The following ORC3 variants were observed in gnomAD, a reference collection of about 807,000 sequenced individuals.
The protein encoded by ORC3 is homolog of latheo, Drosophila.
A neutral mutation model predicts 100.7 loss-of-function variants in ORC3; 78 were observed. That is an observed-to-expected ratio of 0.77 (90% CI 0.65 to 0.94). The LOEUF (loss-of-function observed/expected upper bound fraction) is 0.94. Among genes scored for constraint, ORC3 ranks in the 40% least tolerant of loss-of-function variants. The pLI, the probability that ORC3 is intolerant of heterozygous loss-of-function variation, is 0.00. For missense variants in ORC3, 789 were observed against 823.9 expected, an observed-to-expected ratio of 0.96 and a Z score of 0.52; for synonymous variants, 295 against 289.3, an observed-to-expected ratio of 1.02 and a Z score of -0.20.
chr6:87,606,004 A>C lies in ORC3; in HGVS notation c.410A>C (p.Gln137Pro). Reference sequence around the variant, plus strand: ...GTCACACCATATGTAGTCTCATTGCAAGCTAAAGATTGTCCAGGTAAAAAT... The same window carrying C: ...GTCACACCATATGTAGTCTCATTGCCAGCTAAAGATTGTCCAGGTAAAAAT... ...NNVTPYVVSL[Q>P]AKDCPDMKHF... is the part of the protein sequence containing the mutation. The change falls in exon 5 of 20, where the codon CAA becomes CCA. Residue 137 changes from glutamine to proline, a missense_variant. By Grantham distance (76) the Gln-to-Pro change is moderately conservative. Coordinates refer to ENST00000392844, the MANE Select transcript of ORC3 (RefSeq NM_012381.4). 6.4e-7 allele frequency: 1 copy of C among 1,568,692 alleles called. No individual in the cohort carries two copies. Among genetic ancestry groups the C allele is most frequent in the African/African-American group, 1.5e-5 (1 of 67,024 alleles).
intron 1 of ORC3, 143 bp from the exon 2 acceptor site, chr6:87,594,210 G>A (rs1376056140): frequency 1.8e-6 from 1 of 561,092 alleles, no homozygotes; most frequent in Non-Finnish European, 3.2e-6. Flanking sequence ...GAAGTGATGT[G>A]ATTTCTTAGA....
chr6:87,667,018 T>C lies in ORC3; in HGVS notation c.2031T>C (p.His677=). Residue 677 remains histidine, a splice_region_variant and synonymous_variant, in exon 20 of 20, where the codon CAT becomes CAC. Coordinates refer to ENST00000392844, the MANE Select transcript of ORC3 (RefSeq NM_012381.4). ...ATSEEMNEII[H]ARFIRAVSEL... is the part of the protein sequence containing the mutation. ...CAGTTTCCTTAATTAAAGCCTCCAG[T>C]GCTCGGTTTATTAGAGCTGTTTCTG... 1.9e-6 allele frequency: 3 copies of C among 1,597,788 alleles called. No homozygotes were observed. Among genetic ancestry groups the C allele is most frequent in the Non-Finnish European group, 1.7e-6 (2 of 1,171,488 alleles).
chr6:87,647,909 A>G (rs13193470), intron 13 of ORC3, among the ~76,000 whole-genome samples: 4,817 of 152,336 alleles, frequency 0.032, 100 homozygotes, highest in Middle Eastern at 0.054. Flanking sequence ...TGGTTTATCC[A>G]AAGTGCTTTG....
intron 3 of ORC3, among the ~76,000 whole-genome samples, chr6:87,602,972 C>CTATATATATATATATAT (rs1778068549): frequency 1.6e-5 from 1 of 62,872 alleles, no homozygotes; most frequent in Admixed American, 2.5e-4. Context: ...TATATATATA[C>CTATATATATATATATAT]ATATATATAT....
downstream of ORC3, among the ~76,000 whole-genome samples, chr6:87,670,608 A>G (rs1055073480): frequency 2.0e-5 from 3 of 152,218 alleles, no homozygotes; most frequent in African/African-American, 7.2e-5. Context: ...CCATTCTGTA[A>G]TTCAGGAAAC....
chr6:87,600,836 A>G (rs1363354206), intron 2 of ORC3, among the ~76,000 whole-genome samples: 1 of 152,186 alleles, frequency 6.6e-6, no homozygotes, highest in Non-Finnish European at 1.5e-5. Flanking sequence ...TTGCTATTAC[A>G]TAATAAGGGT....
At position 87,606,867 on chromosome 6, in the gene ORC3, T is replaced by G. The variant is rs535375103; in HGVS notation, c.428-806T>G. On this transcript the variant is annotated intron_variant, in intron 5 of 19. Coordinates refer to ENST00000392844, the MANE Select transcript of ORC3 (RefSeq NM_012381.4). ...CATGCCTGGCCCTAATGTGGTAAAA[T>G]TTGTTTGGATTAGATTGATAAAAGA... is the stretch of plus-strand genomic sequence containing the variant. Among the ~76,000 whole-genome samples, 3 of 152,210 alleles carry G rather than the reference T, an allele frequency of 2.0e-5. No homozygotes were observed. The East Asian group carries it at 5.8e-4, about 29-fold the overall frequency.
chr6:87,618,049 T>C (rs1174955487), intron 9 of ORC3, among the ~76,000 whole-genome samples: 1 of 152,234 alleles, frequency 6.6e-6, no homozygotes, highest in African/African-American at 2.4e-5. Flanking sequence ...ATTCATTTAC[T>C]CATAAATACT....
intron 14 of ORC3, among the ~76,000 whole-genome samples, chr6:87,654,405 C>A (rs1385387722): frequency 6.6e-6 from 1 of 152,184 alleles, no homozygotes; most frequent in Non-Finnish European, 1.5e-5. Flanking sequence ...CTTGCCACTG[C>A]AGCATGAACT....
chr6:87,615,475 T>G (rs1285624659), intron 8 of ORC3, among the ~76,000 whole-genome samples: 1 of 152,276 alleles, frequency 6.6e-6, no homozygotes, highest in Non-Finnish European at 1.5e-5. Context: ...TTTTTCTTTT[T>G]TTCCATAAAG....
Position 87,602,954 on chromosome 6 carries a change from A to ATTTATATATATAT in ORC3, c.178-430_178-429insTTTATATATATAT, listed in dbSNP as rs1554236515. ...CGTTTATATATATATACACATATAT[A>ATTTATATATATAT]ATATATATATATATATACATATATA... On this transcript the variant is annotated intron_variant, in intron 3 of 19. Transcript: ENST00000392844. 3.1e-4 allele frequency among the ~76,000 whole-genome samples: 30 copies of ATTTATATATATAT among 95,250 alleles called. 1 individual carries two copies. The highest frequency in any genetic ancestry group is 4.7e-4 in the Non-Finnish European group (23 of 48,670). 62.5% of individuals were successfully genotyped at this position (95,250 alleles called of 152,430 possible).
In ORC3 at chr6:87,656,896, T is replaced by C. The variant is rs1392462856; in HGVS notation, c.1517-10T>C. ...CTCATTGATGTCTACTGGTTTTGTATTAAAAGCAGAAACCAAAGAGGAAGA... is the reference window on the plus strand; with the variant it reads ...CTCATTGATGTCTACTGGTTTTGTACTAAAAGCAGAAACCAAAGAGGAAGA... On this transcript the variant is annotated splice_polypyrimidine_tract_variant and intron_variant, in intron 14 of 19. Coordinates refer to ENST00000392844, the MANE Select transcript of ORC3 (RefSeq NM_012381.4). 6.2e-7 allele frequency: 1 copy of C among 1,604,634 alleles called. No individual in the cohort carries two copies.
chr6:87,613,526 G>A (rs537594693), intron 8 of ORC3, among the ~76,000 whole-genome samples: 40 of 152,072 alleles, frequency 2.6e-4, no homozygotes, highest in Non-Finnish European at 5.1e-4. Flanking sequence ...ACTCATTTCA[G>A]CATTAACTCA....
Position 87,656,887 on chromosome 6 carries a change from G to T in ORC3, c.1517-19G>T. 1 of 1,587,890 alleles carries T rather than the reference G, an allele frequency of 6.3e-7. No individual in the cohort carries two copies. Among genetic ancestry groups the T allele is most frequent in the Non-Finnish European group, 8.6e-7 (1 of 1,158,490 alleles). On this transcript the variant is annotated intron_variant, in intron 14 of 19. Transcript: ENST00000392844. Reference sequence around the variant, plus strand: ...GGATTTACCCTCATTGATGTCTACTGGTTTTGTATTAAAAGCAGAAACCAA... The same window carrying T: ...GGATTTACCCTCATTGATGTCTACTTGTTTTGTATTAAAAGCAGAAACCAA...
intron 10 of ORC3, 22 bp from the exon 11 acceptor site, chr6:87,621,928 T>C: frequency 6.4e-7 from 1 of 1,554,386 alleles, no homozygotes; most frequent in Non-Finnish European, 8.9e-7. Flanking sequence ...TCTTTTTATG[T>C]ATGGAATGGT....
At chr6:87,602,954 A>AATATATATATATATATT (rs1778051388) in intron 3 of ORC3, among the ~76,000 whole-genome samples, 1 of 95,300 alleles carries the variant, frequency 1.0e-5, no homozygotes, top group African/African-American at 4.2e-5. Flanking sequence ...ACACATATAT[A>AATATATATATATATATT]ATATATATAT....
Position 87,609,089 on chromosome 6 carries a change from T to C in ORC3, c.580-7T>C. 6.3e-7 allele frequency: 1 copy of C among 1,594,650 alleles called. No homozygotes were observed. The highest frequency in any genetic ancestry group is 1.9e-5 in the Admixed American group (1 of 53,748). On this transcript the variant is annotated splice_region_variant and splice_polypyrimidine_tract_variant and intron_variant, in intron 6 of 19. Transcript: ENST00000392844. Reference sequence around the variant, plus strand: ...TTTAACTCTTTCTTTCTGCAATGGCTTAAAAGAAGACGGACCCAAAAATGC... The same window carrying C: ...TTTAACTCTTTCTTTCTGCAATGGCCTAAAAGAAGACGGACCCAAAAATGC...
the ORC3 span, among the ~76,000 whole-genome samples, chr6:87,676,998 A>G: frequency 6.7e-6 from 1 of 149,254 alleles, no homozygotes; most frequent in African/African-American, 2.5e-5. Context: ...AATGGCGTGA[A>G]CCCGGAAAGT....
At chr6:87,664,950 AT>A (rs1460053513) in intron 18 of ORC3, 91 bp downstream of exon 18, 1 of 741,346 alleles carries the variant, frequency 1.3e-6, no homozygotes, top group African/African-American at 1.8e-5. Context: ...GTGCTTTGGA[AT>A]TTATCTTGTG....
Sources: allele counts gnomAD v4.1 joint callset (sites outside exome capture counted in the v4.1 genomes callset), GRCh38; gene constraint gnomAD v4.1.1; transcripts MANE v1.5; gene names NCBI Gene and HGNC (gene_info 2026-07-23, HGNC 2026-07-21).